KAT6B: variants seen among roughly 807,000 people sequenced by gnomAD.
KAT6B encodes the protein histone acetyltransferase KAT6B.
KAT6B carries 10 observed loss-of-function variants against 187.5 expected under a neutral mutation model. The observed-to-expected ratio is 0.05, with a 90% CI of 0.03 to 0.09. The LOEUF (loss-of-function observed/expected upper bound fraction) is 0.09, where lower values mean the gene tolerates loss of function less well. Among genes scored for constraint, KAT6B ranks in the 10% least tolerant of loss-of-function variants. The pLI, the probability that KAT6B is intolerant of heterozygous loss-of-function variation, is 1.00. For missense variants in KAT6B, 1,952 were observed against 2,558.9 expected (o/e 0.76, Z 5.12); for synonymous variants, 861 against 926.8 (o/e 0.93, Z 1.29).
intron 3 of KAT6B, among the ~76,000 whole-genome samples, chr10:74,895,963 T>G (rs7913379): frequency 0.32 from 48,280 of 151,190 alleles, 11,957 homozygotes; most frequent in African/African-American, 0.68. Context: ...TGTTGTTGTT[T>G]TTTTTTGCCT....
Position 74,955,390 on chromosome 10 carries a change from C to CT in KAT6B, c.622-4580_622-4579insT, listed in dbSNP as rs1039844498. ...TAAAGGGACACAATTTTATCCCCCC[C>CT]CCCCCAACTTTTTGTTTGGAAAAGT... is the stretch of plus-strand genomic sequence containing the variant. On this transcript the variant is annotated intron_variant, in intron 3 of 17. Transcript: ENST00000287239. 3.4e-5 allele frequency among the ~76,000 whole-genome samples: 5 copies of CT among 145,328 alleles called. 1 individual carries two copies. Among genetic ancestry groups the CT allele is most frequent in the African/African-American group, 7.6e-5 (3 of 39,664 alleles).
intron 3 of KAT6B, among the ~76,000 whole-genome samples, chr10:74,859,062 A>G (rs113991304): frequency 7.9e-5 from 12 of 151,842 alleles, no homozygotes; most frequent in African/African-American, 2.9e-4. Flanking sequence ...AAGACTAAGT[A>G]ACATCTGAAG....
At position 75,020,759 on chromosome 10, in the gene KAT6B, A is replaced by G. The variant is rs144976646; in HGVS notation, c.2807A>G (p.His936Arg). 6.3e-5 allele frequency: 102 copies of G among 1,614,096 alleles called. No homozygotes were observed. Among genetic ancestry groups the G allele is most frequent in the Non-Finnish European group, 8.1e-5 (96 of 1,180,046 alleles). Residue 936 changes from histidine to arginine, a missense_variant, in exon 14 of 18, where the codon CAT (histidine) becomes CGT (arginine). This residue lies in a region of KAT6B where 758 missense variants were observed against 891.4 expected (regional missense o/e 0.85). Coordinates refer to ENST00000287239, the MANE Select transcript of KAT6B (RefSeq NM_012330.4). ...AISRATGMCP[H>R]DIATTLQHLH... ...AGCAGAGCGACGGGCATGTGCCCACATGACATTGCCACCACTCTGCAGCAC... is the reference window on the plus strand; with the variant it reads ...AGCAGAGCGACGGGCATGTGCCCACGTGACATTGCCACCACTCTGCAGCAC...
rs143630427 is a variant in KAT6B at position 74,843,322 on chromosome 10, G to T, written c.465G>T (p.Gly155=). Residue 155 remains glycine (G), a synonymous_variant, in exon 3 of 18, where the codon GGG becomes GGT. Transcript: ENST00000287239. ...NPAFQQRLRL[G]AKRAVNNGRL... ...CCTTTCAGCAGCGGCTGCGACTGGG[G>T]GCCAAACGCGCTGTGAATAATGGGA... 1 of 1,613,530 alleles carries T rather than the reference G, an allele frequency of 6.2e-7. No homozygotes were observed. Among genetic ancestry groups the T allele is most frequent in the Admixed American group, 1.7e-5 (1 of 59,890 alleles).
chr10:74,909,864 A>G (rs1847064974), intron 3 of KAT6B, among the ~76,000 whole-genome samples: 2 of 152,184 alleles, frequency 1.3e-5, no homozygotes, highest in South Asian at 4.1e-4. Context: ...GCCCCACCCC[A>G]AACCATTTAG....
At chr10:75,007,913 G>T (rs1267040444) in intron 13 of KAT6B, among the ~76,000 whole-genome samples, 1 of 152,106 alleles carries the variant, frequency 6.6e-6, no homozygotes, top group Non-Finnish European at 1.5e-5. Flanking sequence ...GAAAACTTGA[G>T]TGCACAAGTA....
At chr10:74,924,367 G>A (rs1220374800) in intron 3 of KAT6B, among the ~76,000 whole-genome samples, 1 of 152,114 alleles carries the variant, frequency 6.6e-6, no homozygotes, top group African/African-American at 2.4e-5. Flanking sequence ...TCCTTCATAA[G>A]CAGTTGGCTT....
chr10:74,969,947 C>T (rs1841740860), intron 5 of KAT6B, 73 bp from the exon 6 acceptor site: 10 of 1,139,322 alleles, frequency 8.8e-6, no homozygotes, highest in Admixed American at 1.8e-5. Flanking sequence ...AATGTTAATC[C>T]AGTAACAAAA....
At chr10:74,966,404 G>T (rs1200369331) in intron 4 of KAT6B, among the ~76,000 whole-genome samples, 1 of 152,192 alleles carries the variant, frequency 6.6e-6, no homozygotes, top group Non-Finnish European at 1.5e-5. Flanking sequence ...ACAGGTTATG[G>T]GAATTAGAGC....
At chr10:74,963,629 T>C (rs1378109306) in intron 4 of KAT6B, among the ~76,000 whole-genome samples, 3 of 152,168 alleles carry the variant, frequency 2.0e-5, no homozygotes, top group African/African-American at 4.8e-5. Context: ...GAACAAAATT[T>C]GCATGCTCAT....
At chr10:74,900,784 A>G (rs1271592654) in intron 3 of KAT6B, among the ~76,000 whole-genome samples, 1 of 152,240 alleles carries the variant, frequency 6.6e-6, no homozygotes, top group African/African-American at 2.4e-5. Flanking sequence ...ATAGTGCTAC[A>G]AAACAGCGTA....
At chr10:74,945,043 A>T (rs968634238) in intron 3 of KAT6B, among the ~76,000 whole-genome samples, 4 of 152,262 alleles carry the variant, frequency 2.6e-5, no homozygotes, top group African/African-American at 9.6e-5. Flanking sequence ...AGATAAATGA[A>T]AACATGTACA....
chr10:75,017,321 T>C (rs1202721575), intron 13 of KAT6B, among the ~76,000 whole-genome samples: 6 of 152,126 alleles, frequency 3.9e-5, no homozygotes, highest in Non-Finnish European at 8.8e-5. Context: ...ATATCATAAT[T>C]ATGTTGTGAA....
intron 2 of KAT6B, among the ~76,000 whole-genome samples, chr10:74,839,675 A>G (rs1841586787): frequency 6.6e-6 from 1 of 152,238 alleles, no homozygotes; most frequent in African/African-American, 2.4e-5. Context: ...GTTGTGATTC[A>G]TCCTGAATAA....
chr10:74,984,808 C>T, intron 11 of KAT6B: 1 of 437,402 alleles, frequency 2.3e-6, no homozygotes, highest in Non-Finnish European at 4.2e-6. Context: ...AAAATTACTC[C>T]TTTACTAGTG....
At chr10:75,002,671 A>G (rs775224604) in intron 13 of KAT6B, among the ~76,000 whole-genome samples, 10 of 152,232 alleles carry the variant, frequency 6.6e-5, no homozygotes, top group Non-Finnish European at 1.3e-4. Context: ...AGTGGTTGTA[A>G]CATAATGGTA....
intron 13 of KAT6B, among the ~76,000 whole-genome samples, chr10:74,995,287 C>T (rs949145424): frequency 6.6e-6 from 1 of 152,128 alleles, no homozygotes; most frequent in Non-Finnish European, 1.5e-5. Flanking sequence ...TAGTTTTTCT[C>T]CCCCTTCAGT....
chr10:74,879,411 G>T (rs1380594835), intron 3 of KAT6B, among the ~76,000 whole-genome samples: 5 of 152,186 alleles, frequency 3.3e-5, no homozygotes, highest in Non-Finnish European at 4.4e-5. Context: ...CATAGGAGCT[G>T]CCTTGACTGG....
intron 13 of KAT6B, among the ~76,000 whole-genome samples, chr10:74,994,424 G>C (rs1219378725): frequency 3.9e-5 from 6 of 152,102 alleles, no homozygotes; most frequent in African/African-American, 1.2e-4. Context: ...CTTTTCTTAA[G>C]CCAGCCCTGG....
Sources: allele counts gnomAD v4.1 joint callset (sites outside exome capture counted in the v4.1 genomes callset), GRCh38; gene constraint gnomAD v4.1.1; regional missense constraint gnomAD v4.1.1; transcripts MANE v1.5; gene names NCBI Gene and HGNC (gene_info 2026-07-23, HGNC 2026-07-21).